TNKS: variants seen among roughly 807,000 people sequenced by gnomAD.
TNKS encodes poly [ADP-ribose] polymerase tankyrase-1.
A neutral mutation model predicts 135.8 loss-of-function variants in TNKS; 72 were observed. The ratio of observed to expected loss-of-function variants is 0.53; its 90% confidence interval spans 0.44 to 0.64. The LOEUF (loss-of-function observed/expected upper bound fraction) is 0.64. Ranked by LOEUF, TNKS falls within the 30% of genes least tolerant of loss-of-function variation. The pLI is 0.00. For missense variants in TNKS, 1,769 were observed against 1,674.0 expected (o/e 1.06, Z -0.99); for synonymous variants, 849 against 649.3 (o/e 1.31, Z -4.68).
Position 9,779,347 on chromosome 8 carries a change from T to C in TNKS, c.*2611T>C, listed in dbSNP as rs1468255823. 1.3e-5 allele frequency: 2 copies of C among 152,636 alleles called. No homozygotes were observed. The highest frequency in any genetic ancestry group is 4.1e-4 in the South Asian group (2 of 4,828). 9.5% of individuals were successfully genotyped at this position (152,636 alleles called of 1,614,324 possible). On this transcript the variant is annotated 3_prime_UTR_variant, in exon 27 of 27. Transcript: ENST00000310430. Reference sequence around the variant, plus strand: ...AGTCTTTTATTTTTTGTATATGTACTATATAGAAATACTAGCAAGTTAGGA... The same window carrying C: ...AGTCTTTTATTTTTTGTATATGTACCATATAGAAATACTAGCAAGTTAGGA...
At chr8:9,753,120 CT>C (rs1563211213) in intron 20 of TNKS, among the ~76,000 whole-genome samples, 1 of 152,080 alleles carries the variant, frequency 6.6e-6, no homozygotes, top group African/African-American at 2.4e-5. Flanking sequence ...ACAAATGAGT[CT>C]TTATTTTATC....
At chr8:9,671,652 A>T (rs78458318) in intron 3 of TNKS, among the ~76,000 whole-genome samples, 5,202 of 152,288 alleles carry the variant, frequency 0.034, 130 homozygotes, top group South Asian at 0.087. Flanking sequence ...GGTGTGATAG[A>T]AATGTTTCCT....
intron 2 of TNKS, among the ~76,000 whole-genome samples, chr8:9,608,245 T>C (rs971634931): frequency 6.6e-6 from 1 of 152,196 alleles, no homozygotes; most frequent in African/African-American, 2.4e-5. Flanking sequence ...TCAGCTTGTG[T>C]TATCAGTAGT....
At chr8:9,559,648 C>A (rs1037420177) in intron 1 of TNKS, among the ~76,000 whole-genome samples, 1 of 152,148 alleles carries the variant, frequency 6.6e-6, no homozygotes. Context: ...CTTCCCTTGT[C>A]TGTGTCCATG....
At chr8:9,733,964 C>A (rs75744497) in intron 15 of TNKS, among the ~76,000 whole-genome samples, 1 of 151,500 alleles carries the variant, frequency 6.6e-6, no homozygotes, top group Non-Finnish European at 1.5e-5. Flanking sequence ...TTATATGAAA[C>A]TAACTATAAT....
chr8:9,634,423 C>A (rs1800426366), intron 3 of TNKS, among the ~76,000 whole-genome samples: 1 of 152,118 alleles, frequency 6.6e-6, no homozygotes, highest in Admixed American at 6.5e-5. Context: ...ACTTCATATT[C>A]TTGGTGTAGG....
rs1233829539 is a variant in TNKS, at chr8:9,780,734, C to G, written c.*3998C>G. The G allele has an allele frequency of 6.6e-6, 1 of 152,154 alleles. No homozygotes were observed. Among genetic ancestry groups the G allele is most frequent in the East Asian group, 1.9e-4 (1 of 5,190 alleles). The allele number at this position is 152,154 out of a possible 1,614,324, so 9.4% of individuals were successfully genotyped here. ...ATTTCTTAGTGTTTGAAAGGTGTGT[C>G]AGTGAGTCGGCCATGTCTCCATGTG... is the stretch of plus-strand genomic sequence containing the variant. On this transcript the variant is annotated 3_prime_UTR_variant, in exon 27 of 27. Transcript: ENST00000310430.
chr8:9,720,100 G>A lies in TNKS; in HGVS notation c.1750-274G>A, dbSNP rs530075874. Among the ~76,000 whole-genome samples the A allele has an allele frequency of 1.4e-4, 22 of 152,236 alleles. No individual in the cohort carries two copies. In the South Asian group the frequency reaches 2.1e-3, roughly 14 times the overall value. The stretch of plus-strand genomic sequence containing the variant: ...GCTGCCTCCATAGACCAGTCTAGTC[G>A]TCGAAGGGAGTAGCAGAAATGGGAA... On this transcript the variant is annotated intron_variant, in intron 11 of 26. Coordinates refer to ENST00000310430, the MANE Select transcript of TNKS (RefSeq NM_003747.3).
intron 1 of TNKS, among the ~76,000 whole-genome samples, chr8:9,564,387 C>G (rs1797447848): frequency 6.6e-6 from 1 of 151,916 alleles, no homozygotes; most frequent in Non-Finnish European, 1.5e-5. Flanking sequence ...AAAAAAAAAT[C>G]TCAAGCTTAG....
chr8:9,575,027 A>G lies in TNKS; in HGVS notation c.674-5132A>G, dbSNP rs772352741. On this transcript the variant is annotated intron_variant, in intron 1 of 26. Coordinates refer to ENST00000310430, the MANE Select transcript of TNKS (RefSeq NM_003747.3). ...CTCCTAATACCGTTGATAAACTGCT[A>G]TGTGTGCCTGGATTGCCTTTGTCTT... 8.5e-5 allele frequency: 84 copies of G among 985,226 alleles called. 1 individual carries two copies. Among genetic ancestry groups the G allele is most frequent in the African/African-American group, 2.3e-4 (13 of 57,358 alleles). 61.0% of individuals were successfully genotyped at this position (985,226 alleles called of 1,614,324 possible). A position where few individuals can be genotyped will look rare whatever the true frequency, so the allele number is the denominator to read the frequency against.
At position 9,778,483 on chromosome 8, in the gene TNKS, C is replaced by G. The variant is rs1029217973; in HGVS notation, c.*1747C>G. 5 of 152,622 alleles carry G rather than the reference C, an allele frequency of 3.3e-5. No homozygotes were observed. Among genetic ancestry groups the G allele is most frequent in the African/African-American group, 1.2e-4 (5 of 41,440 alleles). 9.5% of individuals were successfully genotyped at this position (152,622 alleles called of 1,614,324 possible). A position where few individuals can be genotyped will look rare whatever the true frequency, so the allele number is the denominator to read the frequency against. ...TTTTGGCTTCAACCCAGTGCTGGAA[C>G]TAGGCATCCAGACTAGTTTGAATGT... On this transcript the variant is annotated 3_prime_UTR_variant, in exon 27 of 27. Transcript: ENST00000310430.
At chr8:9,762,063 T>A (rs1009730902) in intron 21 of TNKS, among the ~76,000 whole-genome samples, 1 of 152,246 alleles carries the variant, frequency 6.6e-6, no homozygotes, top group South Asian at 2.1e-4. Flanking sequence ...ACCCCTGTAA[T>A]AGAATCCTGT....
chr8:9,704,825 C>G, intron 6 of TNKS, 68 bp downstream of exon 6: 1 of 1,255,770 alleles, frequency 8.0e-7, no homozygotes, highest in Non-Finnish European at 1.2e-6. Context: ...TTTTAAAACA[C>G]TAGACAAAGT....
chr8:9,606,186 C>T (rs1280497859), intron 2 of TNKS, among the ~76,000 whole-genome samples: 3 of 136,048 alleles, frequency 2.2e-5, no homozygotes, highest in East Asian at 2.2e-4. Flanking sequence ...ATAGAGAATC[C>T]GTTGTTTCAG....
chr8:9,676,147 G>A (rs185524672), intron 3 of TNKS, among the ~76,000 whole-genome samples: 1 of 151,820 alleles, frequency 6.6e-6, no homozygotes, highest in Non-Finnish European at 1.5e-5. Flanking sequence ...TGAGTAGCTG[G>A]AATTACAGCA....
intron 5 of TNKS, among the ~76,000 whole-genome samples, chr8:9,686,411 C>T (rs561116405): frequency 6.6e-6 from 1 of 152,306 alleles, no homozygotes; most frequent in African/African-American, 2.4e-5. Flanking sequence ...CACCGTAGCT[C>T]ATACCACATA....
At chr8:9,734,660 T>C (rs1255401353) in intron 15 of TNKS, among the ~76,000 whole-genome samples, 1 of 152,222 alleles carries the variant, frequency 6.6e-6, no homozygotes, top group East Asian at 1.9e-4. Context: ...CCATTGATCC[T>C]GAAGCTTTGA....
chr8:9,682,692 G>T (rs1802831286), intron 5 of TNKS, among the ~76,000 whole-genome samples: 1 of 151,984 alleles, frequency 6.6e-6, no homozygotes, highest in Non-Finnish European at 1.5e-5. Flanking sequence ...GAACTTTGTT[G>T]TTCCTTGATA....
At chr8:9,630,270 C>T (rs761187825) in intron 3 of TNKS, among the ~76,000 whole-genome samples, 8 of 152,088 alleles carry the variant, frequency 5.3e-5, no homozygotes, top group Middle Eastern at 3.2e-3. Context: ...ATGATCATTC[C>T]GCCAGTGGGT....
Sources: allele counts gnomAD v4.1 joint callset (sites outside exome capture counted in the v4.1 genomes callset), GRCh38; gene constraint gnomAD v4.1.1; transcripts MANE v1.5; gene names NCBI Gene and HGNC (gene_info 2026-07-23, HGNC 2026-07-21).